Variants in EIF3M observed in about 807,000 individuals in gnomAD.
EIF3M encodes the protein B5 receptor.
EIF3M carries 25 observed loss-of-function variants against 49.7 expected under a neutral mutation model. The ratio of observed to expected loss-of-function variants is 0.50; its 90% CI spans 0.37 to 0.70. The LOEUF is 0.70. EIF3M is among the 30% of genes least tolerant of loss of function. The pLI is 0.00. For missense variants in EIF3M, 350 were observed against 440.0 expected (o/e 0.80, Z 1.83); for synonymous variants, 156 against 149.8 (o/e 1.04, Z -0.30).
chr11:32,597,791 G>A (rs1436227938), intron 8 of EIF3M, among the ~76,000 whole-genome samples: 1 of 152,168 alleles, frequency 6.6e-6, no homozygotes, highest in African/African-American at 2.4e-5. Flanking sequence ...ACACATTAGA[G>A]ATTGATTATA....
chr11:32,598,092 T>C (rs1444479387), intron 8 of EIF3M, among the ~76,000 whole-genome samples: 1 of 152,168 alleles, frequency 6.6e-6, no homozygotes, highest in Non-Finnish European at 1.5e-5. Flanking sequence ...TTAATTTGTT[T>C]TGTGGCATGA....
At chr11:32,591,566 A>G (rs1855103317) in intron 5 of EIF3M, among the ~76,000 whole-genome samples, 3 of 152,334 alleles carry the variant, frequency 2.0e-5, no homozygotes, top group South Asian at 2.1e-4. Flanking sequence ...GCATTAATCA[A>G]TAGTGCACTT....
intron 8 of EIF3M, among the ~76,000 whole-genome samples, chr11:32,599,120 G>C (rs1326584548): frequency 6.6e-6 from 1 of 152,016 alleles, no homozygotes; most frequent in Non-Finnish European, 1.5e-5. Context: ...CAGTTTGTCA[G>C]AACATTTTCC....
intron 8 of EIF3M, among the ~76,000 whole-genome samples, chr11:32,596,752 A>C (rs1189567371): frequency 6.6e-6 from 1 of 152,136 alleles, no homozygotes; most frequent in East Asian, 1.9e-4. Context: ...CTAAAAATAC[A>C]AAAATTAGTG....
At chr11:32,598,228 T>G (rs1156739891) in intron 8 of EIF3M, among the ~76,000 whole-genome samples, 2 of 152,194 alleles carry the variant, frequency 1.3e-5, no homozygotes, top group African/African-American at 4.8e-5. Flanking sequence ...GAGCACTGGT[T>G]CATAAGCTAT....
chr11:32,602,767 G>T lies in EIF3M; in HGVS notation c.*368G>T. On this transcript the variant is annotated 3_prime_UTR_variant, in exon 11 of 11. Transcript: ENST00000531120. ...TTTTATTCTAGTAAAAACTATACCA[G>T]AATTTCAGTTACATAATTTCACTAC... is the stretch of plus-strand genomic sequence containing the variant. 7.5e-7 allele frequency: 1 copy of T among 1,328,192 alleles called. No individual in the cohort carries two copies. The highest frequency in any genetic ancestry group is 1.0e-6 in the Non-Finnish European group (1 of 970,926). 82.3% of individuals were successfully genotyped at this position (1,328,192 alleles called of 1,614,324 possible).
intron 1 of EIF3M, among the ~76,000 whole-genome samples, chr11:32,584,595 G>A (rs188679818): frequency 0.014 from 1,008 of 74,518 alleles, 18 homozygotes; most frequent in African/African-American, 0.05. Context: ...GCGACAGAGC[G>A]AGAGTCCCTC....
At chr11:32,592,832 A>C in intron 5 of EIF3M, 1 of 355,188 alleles carries the variant, frequency 2.8e-6, no homozygotes, top group East Asian at 7.6e-5. Flanking sequence ...TGTTGCCCAC[A>C]CTGGAGTACA....
rs1426679407 is a variant in EIF3M at position 32,583,893 on chromosome 11, C to T, written c.6C>T (p.Ser2=). 1.2e-6 allele frequency: 2 copies of T among 1,613,750 alleles called. No homozygotes were observed. The highest frequency in any genetic ancestry group is 2.2e-5 in the South Asian group (2 of 91,014). Residue 2 remains serine (S), a synonymous_variant, in exon 1 of 11, where the codon AGC becomes AGT. Coordinates refer to ENST00000531120, the MANE Select transcript of EIF3M (RefSeq NM_006360.6). M[S]VPAFIDISEE... ...GCTGTGCCCGGGCCTGCACCATGAG[C>T]GTCCCGGCCTTCATCGACATCAGTG... is the stretch of plus-strand genomic sequence containing the variant.
In EIF3M at chr11:32,603,079, CTG is replaced by C; in HGVS notation, c.*682_*683del. The C allele has an allele frequency of 7.3e-7, 1 of 1,370,340 alleles. No individual in the cohort carries two copies. Among genetic ancestry groups the C allele is most frequent in the Non-Finnish European group, 1.0e-6 (1 of 992,326 alleles). The allele number at this position is 1,370,340 out of a possible 1,614,324, so 84.9% of individuals were successfully genotyped here. A position where few individuals can be genotyped will look rare whatever the true frequency, so the allele number is the denominator to read the frequency against. ...TATTATACAAAAGATTTTAAAGAGTCTGTAAAGCCTCTGCAGTTATGAGTATG... is the reference window on the plus strand; with the variant it reads ...TATTATACAAAAGATTTTAAAGAGTCTAAAGCCTCTGCAGTTATGAGTATG... On this transcript the variant is annotated 3_prime_UTR_variant, in exon 11 of 11. Transcript: ENST00000531120.
Position 32,603,420 on chromosome 11 carries a change from ATACT to A in EIF3M, c.*1026_*1029del, listed in dbSNP as rs1484478956. ...TTTAAGGTTCTTTTCTGATGTTAAA[ATACT>A]TACTGGAAATTTAGAAAATAGAGTA... On this transcript the variant is annotated 3_prime_UTR_variant, in exon 11 of 11. Transcript: ENST00000531120. The A allele has an allele frequency of 6.5e-6, 1 of 152,948 alleles. No individual in the cohort carries two copies. The highest frequency in any genetic ancestry group is 2.4e-5 in the African/African-American group (1 of 40,980). 9.5% of individuals were successfully genotyped at this position (152,948 alleles called of 1,614,324 possible). A position where few individuals can be genotyped will look rare whatever the true frequency, so the allele number is the denominator to read the frequency against.
chr11:32,592,336 CCT>C, intron 5 of EIF3M: 1 of 552,224 alleles, frequency 1.8e-6, no homozygotes, highest in Non-Finnish European at 3.4e-6. Flanking sequence ...AAAAGCAAAT[CCT>C]CTCTTTTTTC....
chr11:32,595,455 A>AC (rs995571657), intron 7 of EIF3M, among the ~76,000 whole-genome samples: 11 of 151,320 alleles, frequency 7.3e-5, no homozygotes, highest in African/African-American at 2.4e-4. Flanking sequence ...CCGACTCCTG[A>AC]CCCCCCTGAC....
chr11:32,602,346 A>C lies in EIF3M; in HGVS notation c.1072A>C (p.Lys358Gln), dbSNP rs1480093328. 6.2e-7 allele frequency: 1 copy of C among 1,612,732 alleles called. No homozygotes were observed. Among genetic ancestry groups the C allele is most frequent in the East Asian group, 2.2e-5 (1 of 44,770 alleles). The change falls in exon 11 of 11, where the codon AAA becomes CAA. Residue 358 changes from lysine to glutamine, a missense_variant. Physicochemically the swap from Lys to Gln is moderately conservative, Grantham distance 53. Transcript: ENST00000531120. ...QQLYDTLNAW[K>Q]QNLNKVKNSL... The stretch of plus-strand genomic sequence containing the variant: ...ACTGTATGACACACTTAATGCCTGG[A>C]AACAAAATCTGAACAAAGTGAAAAA...
chr11:32,589,213 G>C, intron 4 of EIF3M, 78 bp downstream of exon 4: 1 of 1,563,308 alleles, frequency 6.4e-7, no homozygotes, highest in Non-Finnish European at 8.6e-7. Flanking sequence ...TTTCACTGTT[G>C]TTGCCCAGGC....
In EIF3M at chr11:32,595,983, G is replaced by A; in HGVS notation, c.735G>A (p.Val245=). 6.4e-7 allele frequency: 1 copy of A among 1,574,252 alleles called. No homozygotes were observed. ...ELIHDLLTIF[V]SAKLASYVKF... ...CTGTATAGCTTTTAACCATTTTTGT[G>A]AGTGCTAAATTGGCATCATATGTCA... Residue 245 remains valine (V), a synonymous_variant, in exon 8 of 11, where the codon GTG becomes GTA. Coordinates refer to ENST00000531120, the MANE Select transcript of EIF3M (RefSeq NM_006360.6).
chr11:32,600,633 G>C, intron 8 of EIF3M, 56 bp from the exon 9 acceptor site: 1 of 1,460,530 alleles, frequency 6.8e-7, no homozygotes, highest in Non-Finnish European at 9.1e-7. Context: ...AGATGTAATT[G>C]TGCAGGTCTT....
intron 8 of EIF3M, among the ~76,000 whole-genome samples, chr11:32,599,363 T>C (rs757256689): frequency 1.3e-5 from 2 of 151,944 alleles, no homozygotes; most frequent in Non-Finnish European, 2.9e-5. Flanking sequence ...ACCTCATTCA[T>C]TTGAGTTATG....
intron 1 of EIF3M, 165 bp from the exon 2 acceptor site, chr11:32,586,847 C>T (rs540584241): frequency 3.4e-6 from 3 of 875,526 alleles, no homozygotes; most frequent in South Asian, 2.3e-5. Context: ...ACCTGTGGCT[C>T]TTGTGGGATT....
Sources: allele counts gnomAD v4.1 joint callset (sites outside exome capture counted in the v4.1 genomes callset), GRCh38; gene constraint gnomAD v4.1.1; transcripts MANE v1.5; gene names NCBI Gene and HGNC (gene_info 2026-07-23, HGNC 2026-07-21).